Variants in NEDD4L observed in about 807,000 individuals in gnomAD.
NEDD4L encodes NEDD4 like E3 ubiquitin protein ligase, also known as E3 ubiquitin-protein ligase NEDD4-like.
A neutral mutation model predicts 148.9 loss-of-function variants in NEDD4L; 54 were observed. The ratio of observed to expected loss-of-function variants is 0.36; its 90% CI spans 0.29 to 0.45. The LOEUF (loss-of-function observed/expected upper bound fraction) is 0.45, where lower values mean the gene tolerates loss of function less well. Ranked by LOEUF, NEDD4L falls within the 20% of genes least tolerant of loss-of-function variation. The pLI is 1.00. For synonymous variants in NEDD4L, 433 were observed against 440.7 expected (o/e 0.98, Z 0.22); for missense variants, 856 against 1,233.8 (o/e 0.69, Z 4.59).
At chr18:58,113,805 A>C (rs1043286168) in intron 1 of NEDD4L, among the ~76,000 whole-genome samples, 1 of 152,142 alleles carries the variant, frequency 6.6e-6, no homozygotes, top group Non-Finnish European at 1.5e-5. Context: ...GCTGTGTGGC[A>C]GATGGATTGG....
At chr18:58,182,722 T>C (rs1208395963) in intron 2 of NEDD4L, among the ~76,000 whole-genome samples, 2 of 152,132 alleles carry the variant, frequency 1.3e-5, no homozygotes, top group African/African-American at 4.8e-5. Context: ...CCTCAAGTGA[T>C]CTACCCACCT....
chr18:58,332,870 G>A (rs2041181665), intron 11 of NEDD4L, among the ~76,000 whole-genome samples: 2 of 152,120 alleles, frequency 1.3e-5, no homozygotes, highest in Non-Finnish European at 2.9e-5. Context: ...TAACCACATA[G>A]ACTAATACAA....
At chr18:58,208,861 C>T (rs1177607563) in intron 2 of NEDD4L, among the ~76,000 whole-genome samples, 1 of 152,166 alleles carries the variant, frequency 6.6e-6, no homozygotes, top group Non-Finnish European at 1.5e-5. Context: ...AGTGAGCTCA[C>T]TGTCGTGACA....
chr18:58,104,801 T>C (rs1204367313), intron 1 of NEDD4L, among the ~76,000 whole-genome samples: 1 of 152,180 alleles, frequency 6.6e-6, no homozygotes, highest in Non-Finnish European at 1.5e-5. Flanking sequence ...GACATTCTTA[T>C]GGTTTCATAC....
chr18:58,125,363 G>GTA (rs2030866458), intron 1 of NEDD4L, among the ~76,000 whole-genome samples: 1 of 149,716 alleles, frequency 6.7e-6, no homozygotes, highest in Admixed American at 6.6e-5. Flanking sequence ...AGGAGGGTGT[G>GTA]TGTGTGTGTG....
At chr18:58,270,593 T>C (rs2050896624) in intron 5 of NEDD4L, among the ~76,000 whole-genome samples, 1 of 152,246 alleles carries the variant, frequency 6.6e-6, no homozygotes, top group African/African-American at 2.4e-5. Flanking sequence ...TAGTCATTCT[T>C]TACATAAATA....
At chr18:58,250,909 A>T (rs1165383799) in intron 4 of NEDD4L, among the ~76,000 whole-genome samples, 1 of 152,178 alleles carries the variant, frequency 6.6e-6, no homozygotes, top group African/African-American at 2.4e-5. Flanking sequence ...TTGGAAGATG[A>T]TATGGGCCAT....
intron 5 of NEDD4L, among the ~76,000 whole-genome samples, chr18:58,281,827 C>G (rs554149628): frequency 2.6e-5 from 4 of 151,826 alleles, no homozygotes; most frequent in African/African-American, 4.8e-5. Context: ...AGATCGAGAC[C>G]GTCCTGGCTA....
chr18:58,301,740 G>A (rs1385924277), intron 5 of NEDD4L, among the ~76,000 whole-genome samples: 2 of 152,262 alleles, frequency 1.3e-5, no homozygotes, highest in East Asian at 1.9e-4. Flanking sequence ...AACATGGTGC[G>A]TATTTCTGCA....
intron 1 of NEDD4L, among the ~76,000 whole-genome samples, chr18:58,090,293 C>G (rs1433044209): frequency 1.3e-5 from 2 of 152,154 alleles, no homozygotes; most frequent in African/African-American, 2.4e-5. Flanking sequence ...GGAGGTTTTA[C>G]TATAAGTGTA....
chr18:58,063,363 A>G (rs948777437), intron 1 of NEDD4L, among the ~76,000 whole-genome samples: 4 of 152,058 alleles, frequency 2.6e-5, no homozygotes, highest in Admixed American at 6.6e-5. Context: ...GGCCAGGGTC[A>G]GTAAGTTAAA....
intron 18 of NEDD4L, among the ~76,000 whole-genome samples, chr18:58,353,574 C>T (rs748807028): frequency 1.4e-4 from 22 of 152,198 alleles, no homozygotes; most frequent in Non-Finnish European, 2.6e-4. Context: ...GAGCAGTACA[C>T]GTCAGTGAAA....
At chr18:58,360,003 C>T (rs770042034) in intron 19 of NEDD4L, 25 of 152,232 alleles carry the variant, frequency 1.6e-4, no homozygotes, top group African/African-American at 4.3e-4. Context: ...TATTTTCCCT[C>T]AGTGCTTTGG....
chr18:58,137,338 TG>T (rs1184307331), intron 1 of NEDD4L, among the ~76,000 whole-genome samples: 2 of 152,310 alleles, frequency 1.3e-5, no homozygotes, highest in Non-Finnish European at 2.9e-5. Flanking sequence ...CAGGGCCTCA[TG>T]GGCACCACTC....
At chr18:58,190,202 C>A (rs2039954848) in intron 2 of NEDD4L, among the ~76,000 whole-genome samples, 1 of 152,156 alleles carries the variant, frequency 6.6e-6, no homozygotes, top group Non-Finnish European at 1.5e-5. Flanking sequence ...AGCAAACACA[C>A]TTCATGCAAA....
Position 58,165,978 on chromosome 18 carries a change from C to G in NEDD4L, c.122+117C>G, listed in dbSNP as rs1228577153. The G allele has an allele frequency of 1.4e-4, 113 of 792,644 alleles. 1 individual carries two copies. Among genetic ancestry groups the G allele is most frequent in the Non-Finnish European group, 1.2e-5 (6 of 484,696 alleles). 49.1% of individuals were successfully genotyped at this position (792,644 alleles called of 1,614,324 possible). ...TTCTTAAGACAAAGCTGGCTGGGCC[C>G]CACCTGCAGGGATTCTGATTTAGGA... On this transcript the variant is annotated intron_variant, in intron 2 of 30. Transcript: ENST00000400345.
At chr18:58,320,534 C>G (rs1310009103) in intron 6 of NEDD4L, among the ~76,000 whole-genome samples, 1 of 152,220 alleles carries the variant, frequency 6.6e-6, no homozygotes, top group Non-Finnish European at 1.5e-5. Context: ...TGTTGGTTGG[C>G]AGGGCATGGT....
chr18:58,110,099 T>C (rs1032621579), intron 1 of NEDD4L, among the ~76,000 whole-genome samples: 28 of 152,116 alleles, frequency 1.8e-4, no homozygotes, highest in African/African-American at 6.3e-4. Context: ...TTGCAGAGCT[T>C]TGAGATAGTT....
At chr18:58,266,450 T>C (rs902174937) in intron 5 of NEDD4L, among the ~76,000 whole-genome samples, 8 of 152,166 alleles carry the variant, frequency 5.3e-5, no homozygotes, top group African/African-American at 1.9e-4. Flanking sequence ...TTCTCATATG[T>C]ATATCTTTTC....
Sources: gnomAD v4.1 joint callset for allele counts (sites outside exome capture counted in the v4.1 genomes callset) on GRCh38, gnomAD v4.1.1 for gene constraint, MANE v1.5 for transcripts, NCBI Gene and HGNC (gene_info 2026-07-23, HGNC 2026-07-21) for gene names.